Variants in ATP8A2 observed in about 807,000 individuals in gnomAD.
The protein encoded by ATP8A2 is phospholipid-transporting ATPase IB.
Under a neutral mutation model 165.6 loss-of-function variants are expected in ATP8A2, and 100 were observed. The ratio of observed to expected loss-of-function variants is 0.60; its 90% CI spans 0.51 to 0.71. ATP8A2 has a LOEUF of 0.71. Among genes scored for constraint, ATP8A2 ranks in the 30% least tolerant of loss-of-function variants. The pLI, the probability that ATP8A2 is intolerant of heterozygous loss-of-function variation, is 0.00. For missense variants in ATP8A2, 1,227 were observed against 1,479.5 expected (o/e 0.83, Z 2.80); for synonymous variants, 543 against 548.8 (o/e 0.99, Z 0.15).
At chr13:25,727,489 A>G (rs1380273644) in intron 25 of ATP8A2, among the ~76,000 whole-genome samples, 2 of 152,104 alleles carry the variant, frequency 1.3e-5, no homozygotes, top group Non-Finnish European at 2.9e-5. Context: ...GGACAACACG[A>G]TACACTCTCA....
In ATP8A2 at chr13:25,577,097, C is replaced by T. The variant is rs1304109530; in HGVS notation, c.1741C>T (p.Arg581Ter). Residue 581 changes from arginine (R) to a stop codon, truncating the protein, a stop_gained, in exon 20 of 37, where the codon CGA becomes TGA. Transcript: ENST00000381655. LOFTEE classifies it high-confidence loss of function. ...SDRKRMSVIVRTPSGRLRLYC... is the reference protein window; with the variant it reads ...SDRKRMSVIV ...CAGAAAAAGAATGTCTGTAATTGTT[C>T]GAACTCCTTCAGGACGACTTCGGCT... is the stretch of plus-strand genomic sequence containing the variant. The T allele has an allele frequency of 4.3e-6, 7 of 1,612,620 alleles. No homozygotes were observed. Among genetic ancestry groups the T allele is most frequent in the Non-Finnish European group, 5.9e-6 (7 of 1,179,474 alleles).
intron 35 of ATP8A2, among the ~76,000 whole-genome samples, chr13:25,981,340 A>C (rs1173299986): frequency 6.6e-6 from 1 of 152,256 alleles, no homozygotes; most frequent in African/African-American, 2.4e-5. Context: ...TGACTGACAT[A>C]ATATAACAGT....
rs1291899135 is a variant in ATP8A2, at chr13:25,953,112, TTTG to T, written c.3184-8455_3184-8453del. 2.6e-5 allele frequency among the ~76,000 whole-genome samples: 4 copies of T among 152,160 alleles called. No individual in the cohort carries two copies. The highest frequency in any genetic ancestry group is 6.5e-5 in the Admixed American group (1 of 15,268). On this transcript the variant is annotated intron_variant, in intron 33 of 36. Transcript: ENST00000381655. This position sits in a 1 kb window ranked among gnomAD's most constrained non-coding sequence, Gnocchi z 6.7. Reference sequence around the variant, plus strand: ...ATTGTCCTGACAGGTTTTGTTTTATTTTGTTGTTGTGTTGTCGATGCTGGGTGG... The same window carrying T: ...ATTGTCCTGACAGGTTTTGTTTTATTTTGTTGTGTTGTCGATGCTGGGTGG...
At chr13:25,461,268 A>T (rs949981954) in intron 1 of ATP8A2, among the ~76,000 whole-genome samples, 10 of 152,184 alleles carry the variant, frequency 6.6e-5, no homozygotes, top group African/African-American at 2.4e-4. Context: ...AGGCCTTCGA[A>T]ATGTGTCTGC....
chr13:25,524,208 G>T (rs1374541082), intron 2 of ATP8A2, among the ~76,000 whole-genome samples: 1 of 151,850 alleles, frequency 6.6e-6, no homozygotes, highest in African/African-American at 2.4e-5. Context: ...TTATTTCATT[G>T]TGGTCAGAAA....
intron 1 of ATP8A2, among the ~76,000 whole-genome samples, chr13:25,418,080 G>T (rs78229972): frequency 6.6e-6 from 1 of 151,980 alleles, no homozygotes; most frequent in Admixed American, 6.6e-5. Flanking sequence ...CTCTCAACCC[G>T]CCTATTCCTT....
chr13:25,949,657 G>A (rs1465976554), intron 33 of ATP8A2, among the ~76,000 whole-genome samples: 1 of 152,210 alleles, frequency 6.6e-6, no homozygotes, highest in African/African-American at 2.4e-5. Context: ...CAAGGATTGA[G>A]GCTGGGCATC....
At chr13:25,831,216 CTTTTTT>C (rs71759758) in intron 28 of ATP8A2, among the ~76,000 whole-genome samples, 3 of 133,492 alleles carry the variant, frequency 2.2e-5, no homozygotes, top group African/African-American at 5.6e-5. Flanking sequence ...AACTAATTTT[CTTTTTT>C]TTTTTTTTTT....
chr13:25,868,857 C>A (rs1337931392), intron 33 of ATP8A2, among the ~76,000 whole-genome samples: 2 of 151,984 alleles, frequency 1.3e-5, no homozygotes, highest in East Asian at 3.9e-4. Context: ...ATCACAAGTT[C>A]AGGAGATAGA....
At chr13:25,933,472 T>G (rs1954815873) in intron 33 of ATP8A2, among the ~76,000 whole-genome samples, 1 of 152,104 alleles carries the variant, frequency 6.6e-6, no homozygotes, top group African/African-American at 2.4e-5. Context: ...ATTCAGTTTC[T>G]TTTTTTTCTT....
At chr13:25,488,517 G>A (rs1363243133) in intron 2 of ATP8A2, among the ~76,000 whole-genome samples, 1 of 152,154 alleles carries the variant, frequency 6.6e-6, no homozygotes, top group Non-Finnish European at 1.5e-5. Context: ...GAGGTGGGAG[G>A]ATTGCTTGAG....
In ATP8A2 at chr13:25,475,771, G is replaced by A. The variant is rs1055254083; in HGVS notation, c.221+6650G>A. 6.2e-4 allele frequency among the ~76,000 whole-genome samples: 95 copies of A among 152,158 alleles called. 1 individual carries two copies. Among genetic ancestry groups the A allele is most frequent in the Non-Finnish European group, 2.9e-5 (2 of 68,032 alleles). ...TGCGTTTCTCTAATGATCGGTGATA[G>A]TGAGCATTTTTTTCATATGTTTGTT... On this transcript the variant is annotated intron_variant, in intron 2 of 36. Transcript: ENST00000381655.
intron 1 of ATP8A2, among the ~76,000 whole-genome samples, chr13:25,448,851 G>A (rs928079578): frequency 1.3e-5 from 2 of 152,008 alleles, no homozygotes; most frequent in African/African-American, 4.8e-5. Flanking sequence ...TTTTAGTAGA[G>A]AAGGGATTTC....
chr13:25,881,599 G>A (rs1321417362), intron 33 of ATP8A2, among the ~76,000 whole-genome samples: 1 of 152,000 alleles, frequency 6.6e-6, no homozygotes, highest in Non-Finnish European at 1.5e-5. Context: ...GAGAGAAAGA[G>A]AGAGAGAGAG....
intron 25 of ATP8A2, among the ~76,000 whole-genome samples, chr13:25,716,837 G>GA (rs1363959794): frequency 5.3e-5 from 8 of 152,050 alleles, no homozygotes; most frequent in African/African-American, 1.9e-4. Flanking sequence ...CAGGAAAGAG[G>GA]AAAAAGAAGC....
Position 25,372,304 on chromosome 13 carries a change from C to G in ATP8A2, c.76+16C>G. The G allele has an allele frequency of 9.0e-7, 1 of 1,112,128 alleles. No individual in the cohort carries two copies. Among genetic ancestry groups the G allele is most frequent in the Non-Finnish European group, 1.3e-6 (1 of 799,386 alleles). 68.9% of individuals were successfully genotyped at this position (1,112,128 alleles called of 1,614,324 possible). The stretch of plus-strand genomic sequence containing the variant: ...TCGTCCGTGGGTGAGCTGGGAGGGG[C>G]GCGGCGAGGGAGGGTGGGCCCGGGG... On this transcript the variant is annotated intron_variant, in intron 1 of 36. Coordinates refer to ENST00000381655, the MANE Select transcript of ATP8A2 (RefSeq NM_016529.6). This position sits in a 1 kb window ranked among gnomAD's most constrained non-coding sequence, Gnocchi z 4.8.
chr13:25,470,606 G>T (rs1253868134), intron 2 of ATP8A2, among the ~76,000 whole-genome samples: 1 of 152,096 alleles, frequency 6.6e-6, no homozygotes, highest in East Asian at 1.9e-4. Flanking sequence ...TCTACTCCTG[G>T]GTAATCTGCC....
At chr13:25,493,039 A>G (rs1388583764) in intron 2 of ATP8A2, among the ~76,000 whole-genome samples, 1 of 152,158 alleles carries the variant, frequency 6.6e-6, no homozygotes, top group African/African-American at 2.4e-5. Context: ...CATTTTTTGA[A>G]TCTGTATTTT....
At chr13:25,599,377 A>G (rs1233284237) in intron 24 of ATP8A2, among the ~76,000 whole-genome samples, 1 of 152,226 alleles carries the variant, frequency 6.6e-6, no homozygotes, top group Non-Finnish European at 1.5e-5. Context: ...TTCAGCTGTC[A>G]TCGGCTCACC....
Sources: allele counts gnomAD v4.1 joint callset (sites outside exome capture counted in the v4.1 genomes callset), GRCh38; gene constraint gnomAD v4.1.1; non-coding constraint Gnocchi (gnomAD v3.1); transcripts MANE v1.5; gene names NCBI Gene and HGNC (gene_info 2026-07-23, HGNC 2026-07-21).